Variants in TMEM120B observed in about 807,000 individuals in gnomAD.
The protein encoded by TMEM120B is transmembrane protein 120B.
A neutral mutation model predicts 55.5 loss-of-function variants in TMEM120B; 31 were observed. The ratio of observed to expected loss-of-function variants is 0.56; its 90% CI spans 0.42 to 0.75. The LOEUF (loss-of-function observed/expected upper bound fraction) is 0.75. TMEM120B is among the 30% of genes least tolerant of loss of function. The probability of loss-of-function intolerance (pLI) is 0.00; values close to 1 mark genes in which losing one functional copy is unlikely to be tolerated. For synonymous variants in TMEM120B, 203 were observed against 176.3 expected (o/e 1.15, Z -1.20); for missense variants, 399 against 425.5 (o/e 0.94, Z 0.55).
rs7301414 is a variant in TMEM120B at position 121,780,877 on chromosome 12, T to G, written c.*5155T>G. Reference sequence around the variant, plus strand: ...GGGTCTTGGCCCCGGCCCACCTGCATGTAGGTGATGGGCTCCAGCTGGGCG... The same window carrying G: ...GGGTCTTGGCCCCGGCCCACCTGCAGGTAGGTGATGGGCTCCAGCTGGGCG... On this transcript the variant is annotated 3_prime_UTR_variant, in exon 12 of 12. Coordinates refer to ENST00000449592, the MANE Select transcript of TMEM120B (RefSeq NM_001080825.2). The G allele has an allele frequency of 3.4e-3, 5,526 of 1,613,018 alleles. 185 individuals carry two copies. The African/African-American group carries it at 0.064, about 19-fold the overall frequency.
intron 4 of TMEM120B, among the ~76,000 whole-genome samples, 178 bp downstream of exon 4, chr12:121,750,617 C>T (rs1197427080): frequency 1.4e-5 from 2 of 140,604 alleles, no homozygotes; most frequent in Non-Finnish European, 3.1e-5. Context: ...AACACCAACA[C>T]CAACACCACA....
chr12:121,743,563 A>C (rs570777252), intron 1 of TMEM120B, 66 bp from the exon 2 acceptor site: 12 of 1,317,632 alleles, frequency 9.1e-6, no homozygotes, highest in Middle Eastern at 2.2e-4. Context: ...CTCAAAAAAA[A>C]AAAGAAAAGA....
rs1166698613 is a variant in TMEM120B at position 121,779,783 on chromosome 12, T to C, written c.*4061T>C. The C allele has an allele frequency of 3.9e-6, 4 of 1,016,974 alleles. No homozygotes were observed. The highest frequency in any genetic ancestry group is 5.8e-6 in the Non-Finnish European group (4 of 693,472). 63.0% of individuals were successfully genotyped at this position (1,016,974 alleles called of 1,614,324 possible). Reference sequence around the variant, plus strand: ...GGATGGAGGCCTTGGTTTGGGCCTGTCTGTCTCCTCCATCCTGGCTGCCCC... The same window carrying C: ...GGATGGAGGCCTTGGTTTGGGCCTGCCTGTCTCCTCCATCCTGGCTGCCCC... On this transcript the variant is annotated 3_prime_UTR_variant, in exon 12 of 12. Transcript: ENST00000449592.
intron 1 of TMEM120B, among the ~76,000 whole-genome samples, chr12:121,724,943 C>T (rs1421181088): frequency 2.6e-5 from 4 of 152,080 alleles, no homozygotes; most frequent in African/African-American, 9.7e-5. Flanking sequence ...AGAAACAGTT[C>T]TATAGGCTCC....
intron 3 of TMEM120B, 60 bp downstream of exon 3, chr12:121,748,502 G>C (rs1873174371): frequency 8.5e-7 from 1 of 1,173,234 alleles, no homozygotes; most frequent in South Asian, 1.4e-5. Context: ...TAGCACAGCT[G>C]GTCCATATAA....
At position 121,759,816 on chromosome 12, in the gene TMEM120B, G is replaced by A. The variant is rs573129858; in HGVS notation, c.462-1833G>A. 7.2e-5 allele frequency among the ~76,000 whole-genome samples: 11 copies of A among 152,056 alleles called. No individual in the cohort carries two copies. In the East Asian group the frequency reaches 1.9e-3, roughly 27 times the overall value. On this transcript the variant is annotated intron_variant, in intron 5 of 11. Transcript: ENST00000449592. Reference sequence around the variant, plus strand: ...GTTCGATACCAGCCTGGCCAACATGGTGAAACCCCATCTCTACTAAAAATA... The same window carrying A: ...GTTCGATACCAGCCTGGCCAACATGATGAAACCCCATCTCTACTAAAAATA...
intron 6 of TMEM120B, among the ~76,000 whole-genome samples, chr12:121,767,147 C>T (rs1873875324): frequency 6.6e-6 from 1 of 151,834 alleles, no homozygotes; most frequent in African/African-American, 2.4e-5. Flanking sequence ...CCGTGAGCTC[C>T]TGCAAGGTTT....
intron 1 of TMEM120B, among the ~76,000 whole-genome samples, chr12:121,733,771 C>T (rs1180336598): frequency 2.0e-5 from 3 of 151,922 alleles, no homozygotes; most frequent in African/African-American, 4.8e-5. Flanking sequence ...CTCTTGACCT[C>T]AAGTGATCCG....
chr12:121,763,454 A>T (rs113317785), intron 6 of TMEM120B, among the ~76,000 whole-genome samples: 1 of 148,226 alleles, frequency 6.7e-6, no homozygotes, highest in African/African-American at 2.5e-5. Flanking sequence ...GAGCCACTGC[A>T]CCTGGCCGAG....
rs752282076 is a variant in TMEM120B, at chr12:121,752,092, T to G, written c.366-36T>G. 7 of 1,577,688 alleles carry G rather than the reference T, an allele frequency of 4.4e-6. No homozygotes were observed. In the Admixed American group the frequency reaches 1.2e-4, roughly 26 times the overall value. ...TGCCCAGGTGCTGGAATAGTCATGG[T>G]AAGGGGCACACCCCTGGGCGTGTCT... is the stretch of plus-strand genomic sequence containing the variant. On this transcript the variant is annotated intron_variant, in intron 4 of 11. Transcript: ENST00000449592.
At chr12:121,768,392 A>G (rs1873914925) in intron 6 of TMEM120B, among the ~76,000 whole-genome samples, 1 of 152,336 alleles carries the variant, frequency 6.6e-6, no homozygotes, top group South Asian at 2.1e-4. Flanking sequence ...TGGGGAACAC[A>G]CAGGCTGTTG....
chr12:121,781,129 C>T lies in TMEM120B; in HGVS notation c.*5407C>T, dbSNP rs963923148. On this transcript the variant is annotated 3_prime_UTR_variant, in exon 12 of 12. Coordinates refer to ENST00000449592, the MANE Select transcript of TMEM120B (RefSeq NM_001080825.2). ...GCTGGTGGGATTCATGACGTCATAGCAGATGAGCACGAGGTGGGTGTTCTG... is the reference window on the plus strand; with the variant it reads ...GCTGGTGGGATTCATGACGTCATAGTAGATGAGCACGAGGTGGGTGTTCTG... The T allele has an allele frequency of 1.2e-6, 2 of 1,614,230 alleles. No homozygotes were observed. The highest frequency in any genetic ancestry group is 3.3e-5 in the Admixed American group (2 of 60,026).
rs771796652 is a variant in TMEM120B, at chr12:121,775,088, G to C, written c.864G>C (p.Thr288=). 3 of 1,608,134 alleles carry C rather than the reference G, an allele frequency of 1.9e-6. No individual in the cohort carries two copies. Among genetic ancestry groups the C allele is most frequent in the South Asian group, 2.2e-5 (2 of 90,918 alleles). The change falls in exon 11 of 12, where the codon ACG becomes ACC. Residue 288 remains threonine (T), a synonymous_variant. Transcript: ENST00000449592. This position sits in a 1 kb window ranked among gnomAD's most constrained non-coding sequence, Gnocchi z 4.3. ...GHFWQLYNAV[T]LFELSSHEEC... is the part of the protein sequence containing the mutation. Reference sequence around the variant, plus strand: ...TCTGGCAGCTCTACAATGCCGTCACGCTGTTTGAGCTCTCCAGCCACGAGG... The same window carrying C: ...TCTGGCAGCTCTACAATGCCGTCACCCTGTTTGAGCTCTCCAGCCACGAGG...
In TMEM120B at chr12:121,755,913, G is replaced by C. The variant is rs1175287614; in HGVS notation, c.461+3690G>C. Among the ~76,000 whole-genome samples, 8 of 152,172 alleles carry C rather than the reference G, an allele frequency of 5.3e-5. No individual in the cohort carries two copies. In the East Asian group the frequency reaches 9.6e-4, roughly 18 times the overall value. ...CTGATCTGCACCTTGCACCAGCAGA[G>C]TAGATGCTGGTGGCTTGATAAAGCC... is the stretch of plus-strand genomic sequence containing the variant. On this transcript the variant is annotated intron_variant, in intron 5 of 11. Coordinates refer to ENST00000449592, the MANE Select transcript of TMEM120B (RefSeq NM_001080825.2).
At chr12:121,771,455 C>T (rs1418633693) in intron 7 of TMEM120B, 33 bp from the exon 8 acceptor site, 2 of 1,586,890 alleles carry the variant, frequency 1.3e-6, no homozygotes, top group Non-Finnish European at 1.7e-6. Flanking sequence ...TCATAGTGGG[C>T]CCCACCTTTG....
intron 1 of TMEM120B, among the ~76,000 whole-genome samples, chr12:121,733,842 A>G (rs1372751629): frequency 2.0e-5 from 3 of 152,026 alleles, no homozygotes; most frequent in East Asian, 1.9e-4. Context: ...CTGGCCCCAT[A>G]TATTGTTATG....
At chr12:121,749,313 C>T (rs1415617275) in intron 3 of TMEM120B, among the ~76,000 whole-genome samples, 1 of 152,228 alleles carries the variant, frequency 6.6e-6, no homozygotes. Flanking sequence ...GCGTGTCTGC[C>T]TTCCTGCCCC....
At chr12:121,742,872 G>A (rs1592933749) in intron 1 of TMEM120B, among the ~76,000 whole-genome samples, 1 of 152,178 alleles carries the variant, frequency 6.6e-6, no homozygotes, top group South Asian at 2.1e-4. Flanking sequence ...AGCGCGTCCG[G>A]CCAGCTTATT....
At chr12:121,750,243 A>G in intron 3 of TMEM120B, 137 bp from the exon 4 acceptor site, 1 of 787,980 alleles carries the variant, frequency 1.3e-6, no homozygotes, top group Admixed American at 1.9e-5. Context: ...GTGGGGGCCC[A>G]TTTGCCCGCT....
Sources: allele counts gnomAD v4.1 joint callset (sites outside exome capture counted in the v4.1 genomes callset), GRCh38; gene constraint gnomAD v4.1.1; non-coding constraint Gnocchi (gnomAD v3.1); transcripts MANE v1.5; gene names NCBI Gene and HGNC (gene_info 2026-07-23, HGNC 2026-07-21).